Variants in SNX3 observed in about 807,000 individuals in gnomAD.
SNX3 encodes the protein sorting nexin-3.
A neutral mutation model predicts 17.7 loss-of-function variants in SNX3; 5 were observed. The observed-to-expected ratio is 0.28, with a 90% CI of 0.15 to 0.59. The LOEUF is 0.59. Ranked by LOEUF, SNX3 falls within the 20% of genes least tolerant of loss-of-function variation. SNX3 has a pLI of 0.88. For synonymous variants in SNX3, 91 were observed against 76.5 expected, an observed-to-expected ratio of 1.19 and a Z score of -0.99; for missense variants, 132 against 206.8, an observed-to-expected ratio of 0.64 and a Z score of 2.22.
intron 1 of SNX3, among the ~76,000 whole-genome samples, chr6:108,237,401 A>G (rs538976836): frequency 3.9e-5 from 6 of 152,292 alleles, no homozygotes; most frequent in South Asian, 2.1e-4. Flanking sequence ...TTAAACCATG[A>G]TATCTATAAA....
chr6:108,218,940 G>T (rs929940285), intron 2 of SNX3, among the ~76,000 whole-genome samples: 1 of 152,230 alleles, frequency 6.6e-6, no homozygotes, highest in East Asian at 1.9e-4. Context: ...AAATTGACTA[G>T]TGCTCTAAAA....
intron 2 of SNX3, among the ~76,000 whole-genome samples, chr6:108,218,357 G>A (rs1774651289): frequency 6.6e-6 from 1 of 152,164 alleles, no homozygotes; most frequent in African/African-American, 2.4e-5. Flanking sequence ...CAAACAGTAG[G>A]ATAGCTATAA....
chr6:108,213,743 C>A (rs1458244737), intron 3 of SNX3, among the ~76,000 whole-genome samples: 1 of 151,962 alleles, frequency 6.6e-6, no homozygotes, highest in Non-Finnish European at 1.5e-5. Context: ...CAGTAGATAA[C>A]CAAGGGCTTT....
chr6:108,244,647 G>GAT (rs1775626665), intron 1 of SNX3, among the ~76,000 whole-genome samples: 1 of 87,228 alleles, frequency 1.1e-5, no homozygotes, highest in Non-Finnish European at 2.1e-5. Flanking sequence ...TAAGTAAGGA[G>GAT]TTTTTTTTTT....
chr6:108,240,776 A>C (rs1210160114), intron 1 of SNX3, among the ~76,000 whole-genome samples: 1 of 152,182 alleles, frequency 6.6e-6, no homozygotes, highest in African/African-American at 2.4e-5. Context: ...GCAATGAACC[A>C]GCAGACTTAC....
chr6:108,258,367 A>G (rs1776091120), intron 1 of SNX3, among the ~76,000 whole-genome samples: 1 of 151,654 alleles, frequency 6.6e-6, no homozygotes, highest in Admixed American at 6.6e-5. Flanking sequence ...CTGAGGCAGG[A>G]GAATCACTTG....
chr6:108,233,998 C>A (rs1373369555), intron 1 of SNX3, among the ~76,000 whole-genome samples: 1 of 152,004 alleles, frequency 6.6e-6, no homozygotes, highest in Non-Finnish European at 1.5e-5. Context: ...TAAGCTTCTA[C>A]ATATGGTGCA....
At chr6:108,221,318 A>G (rs1201289146) in intron 2 of SNX3, among the ~76,000 whole-genome samples, 2 of 150,532 alleles carry the variant, frequency 1.3e-5, no homozygotes, top group Non-Finnish European at 1.5e-5. Context: ...ATATTTTACT[A>G]TATTTTTCCT....
At chr6:108,222,301 G>A (rs1429906445) in intron 2 of SNX3, 2 of 1,304,042 alleles carry the variant, frequency 1.5e-6, no homozygotes, top group East Asian at 5.5e-5. Flanking sequence ...CCTTGCCTCT[G>A]ATGTCATTCT....
intron 1 of SNX3, among the ~76,000 whole-genome samples, chr6:108,230,906 T>C (rs1309064609): frequency 4.6e-5 from 7 of 152,230 alleles, no homozygotes; most frequent in Non-Finnish European, 8.8e-5. Context: ...CCTTTGTTAA[T>C]TGTTATTTGC....
chr6:108,259,361 G>A (rs1340590720), intron 1 of SNX3, among the ~76,000 whole-genome samples: 1 of 152,210 alleles, frequency 6.6e-6, no homozygotes, highest in Admixed American at 6.5e-5. Flanking sequence ...AGCCTCCCGA[G>A]TAGCTGGGAT....
At chr6:108,230,244 G>C (rs1775101927) in intron 1 of SNX3, among the ~76,000 whole-genome samples, 2 of 152,008 alleles carry the variant, frequency 1.3e-5, no homozygotes, top group Non-Finnish European at 2.9e-5. Context: ...GCAAGATTTA[G>C]TATTCTCTCA....
At chr6:108,239,735 C>A (rs1775461471) in intron 1 of SNX3, among the ~76,000 whole-genome samples, 1 of 152,194 alleles carries the variant, frequency 6.6e-6, no homozygotes, top group South Asian at 2.1e-4. Context: ...GCTCTAAAGT[C>A]ACACTATGGT....
intron 2 of SNX3, among the ~76,000 whole-genome samples, chr6:108,215,562 G>A (rs1266376316): frequency 6.6e-6 from 1 of 152,030 alleles, no homozygotes; most frequent in Non-Finnish European, 1.5e-5. Context: ...TCGCACTATA[G>A]GAAGATCCCA....
chr6:108,236,378 ATTTTTTTTT>A (rs1184591793), intron 1 of SNX3, among the ~76,000 whole-genome samples: 2 of 133,430 alleles, frequency 1.5e-5, no homozygotes, highest in Non-Finnish European at 3.2e-5. Flanking sequence ...TATTATTATT[ATTTTTTTTT>A]TTTTTTTTTT....
chr6:108,239,667 G>A (rs1434707071), intron 1 of SNX3, among the ~76,000 whole-genome samples: 1 of 152,158 alleles, frequency 6.6e-6, no homozygotes, highest in Non-Finnish European at 1.5e-5. Flanking sequence ...ACTTGTTCAA[G>A]GTCACATGTC....
In SNX3 at chr6:108,260,956, T is replaced by TCCGCCCCCTCCGCGTTCAGCCG. The variant is rs1341018454; in HGVS notation, c.-57_-36dup. The TCCGCCCCCTCCGCGTTCAGCCG allele has an allele frequency of 6.7e-7, 1 of 1,487,338 alleles. No individual in the cohort carries two copies. Among genetic ancestry groups the TCCGCCCCCTCCGCGTTCAGCCG allele is most frequent in the Non-Finnish European group, 8.9e-7 (1 of 1,125,068 alleles). The allele number at this position is 1,487,338 out of a possible 1,614,324, so 92.1% of individuals were successfully genotyped here. ...GCTGCTGCCGCCGCCGCGGGCTCCC[T>TCCGCCCCCTCCGCGTTCAGCCG]CCGCCCCCTCCGCGTTCAGCCGCCG... is the stretch of plus-strand genomic sequence containing the variant. On this transcript the variant is annotated 5_prime_UTR_variant, in exon 1 of 4. Coordinates refer to ENST00000230085, the MANE Select transcript of SNX3 (RefSeq NM_003795.6).
At chr6:108,255,998 G>C (rs1349725301) in intron 1 of SNX3, among the ~76,000 whole-genome samples, 1 of 152,168 alleles carries the variant, frequency 6.6e-6, no homozygotes, top group Non-Finnish European at 1.5e-5. Flanking sequence ...TGGAGGCTGA[G>C]GTGGGAGTAT....
chr6:108,257,572 G>C (rs1353342826), intron 1 of SNX3, among the ~76,000 whole-genome samples: 5 of 152,136 alleles, frequency 3.3e-5, no homozygotes, highest in Non-Finnish European at 7.3e-5. Flanking sequence ...CTGCCTTAAT[G>C]CAAGACTATA....
Sources: allele counts gnomAD v4.1 joint callset (sites outside exome capture counted in the v4.1 genomes callset), GRCh38; gene constraint gnomAD v4.1.1; transcripts MANE v1.5; gene names NCBI Gene and HGNC (gene_info 2026-07-23, HGNC 2026-07-21).